ZNF92: variants seen among roughly 807,000 people sequenced by gnomAD.
The protein encoded by ZNF92 is zinc finger protein 92.
In ZNF92, 11 loss-of-function variants were observed where a neutral mutation model predicts 12.4. The ratio of observed to expected loss-of-function variants is 0.89; its 90% CI spans 0.56 to 1.47. The LOEUF is 1.47. Ranked by LOEUF, ZNF92 falls within the 40% of genes most tolerant of loss-of-function variation. ZNF92 has a pLI of 0.00. For missense variants in ZNF92, 622 were observed against 681.0 expected (o/e 0.91, Z 0.96); for synonymous variants, 206 against 228.6 (o/e 0.90, Z 0.89).
chr7:65,379,426 C>G (rs1286020689), intron 1 of ZNF92, among the ~76,000 whole-genome samples: 2 of 152,106 alleles, frequency 1.3e-5, no homozygotes, highest in Admixed American at 1.3e-4. Flanking sequence ...GGCTGTCACA[C>G]TGCCCGTTGT....
At chr7:65,384,699 C>T (rs1793515406) in intron 1 of ZNF92, among the ~76,000 whole-genome samples, 1 of 148,106 alleles carries the variant, frequency 6.8e-6, no homozygotes, top group Admixed American at 6.8e-5. Context: ...TTCTTTATTC[C>T]TCTCATCTGT....
At chr7:65,393,756 TTGTC>T (rs1317188166) in intron 3 of ZNF92, among the ~76,000 whole-genome samples, 4 of 152,238 alleles carry the variant, frequency 2.6e-5, no homozygotes, top group African/African-American at 7.2e-5. Flanking sequence ...GTTAGTAATT[TTGTC>T]TGTCCTTTCA....
intron 1 of ZNF92, among the ~76,000 whole-genome samples, chr7:65,377,571 T>G (rs537341783): frequency 6.6e-6 from 1 of 151,930 alleles, no homozygotes; most frequent in Non-Finnish European, 1.5e-5. Context: ...TGAGATGGAG[T>G]CTTGCTTTGT....
chr7:65,376,954 A>G (rs1191266555), intron 1 of ZNF92, among the ~76,000 whole-genome samples: 2 of 152,140 alleles, frequency 1.3e-5, no homozygotes, highest in Non-Finnish European at 2.9e-5. Context: ...TGTCTGTTCT[A>G]TACCATGTTA....
intron 1 of ZNF92, among the ~76,000 whole-genome samples, chr7:65,386,939 C>CTTT (rs34718120): frequency 2.3e-5 from 3 of 129,700 alleles, no homozygotes; most frequent in East Asian, 2.3e-4. Flanking sequence ...TTTCTTTCTT[C>CTTT]TTTTTTTTTT....
At chr7:65,386,909 C>T (rs1489482902) in intron 1 of ZNF92, among the ~76,000 whole-genome samples, 8 of 149,690 alleles carry the variant, frequency 5.3e-5, no homozygotes, top group African/African-American at 2.0e-4. Flanking sequence ...TAATTTTTCT[C>T]TCGATTATTA....
intron 1 of ZNF92, among the ~76,000 whole-genome samples, chr7:65,385,134 G>C (rs1793528067): frequency 6.6e-6 from 1 of 151,304 alleles, no homozygotes; most frequent in African/African-American, 2.4e-5. Context: ...ATGAGCGCAG[G>C]GGGAGCAACA....
chr7:65,399,855 A>G lies in ZNF92; in HGVS notation c.1741A>G (p.Lys581Glu), dbSNP rs145183979. ...RAFNKSSNYT[K>E]EKLQT ...CTTTAACAAATCCTCAAATTATACT[A>G]AAGAGAAACTACAAACCTGAAAGAT... The change falls in exon 4 of 4, where the codon AAA (lysine) becomes GAA (glutamate). Residue 581 changes from lysine (K) to glutamate (E), a missense_variant. By Grantham distance (56) the Lys-to-Glu change is moderately conservative. Transcript: ENST00000328747. 1.3e-4 allele frequency: 208 copies of G among 1,580,294 alleles called. 2 individuals carry two copies. In the Middle Eastern group the frequency reaches 9.2e-3, roughly 70 times the overall value.
chr7:65,398,569 A>T lies in ZNF92; in HGVS notation c.455A>T (p.Lys152Ile). 2 of 1,608,742 alleles carry T rather than the reference A, an allele frequency of 1.2e-6. No homozygotes were observed. Among genetic ancestry groups the T allele is most frequent in the Non-Finnish European group, 1.7e-6 (2 of 1,178,412 alleles). ...ATATTTCAGTGTGATAAATATGTGA[A>T]AGTCTTTCATAAATTTCCAAATGTA... ...SKIFQCDKYVKVFHKFPNVNR... is the reference protein window; with the variant it reads ...SKIFQCDKYVIVFHKFPNVNR... The change falls in exon 4 of 4, where the codon AAA (lysine) becomes ATA (isoleucine). Residue 152 changes from lysine to isoleucine, a missense_variant. Transcript: ENST00000328747.
At chr7:65,395,069 C>A (rs1027383206) in intron 3 of ZNF92, among the ~76,000 whole-genome samples, 3 of 151,986 alleles carry the variant, frequency 2.0e-5, no homozygotes, top group Non-Finnish European at 4.4e-5. Flanking sequence ...TTATTTTGGT[C>A]TTAAGTTTAT....
chr7:65,384,144 G>C (rs1441764778), intron 1 of ZNF92, among the ~76,000 whole-genome samples: 1 of 151,818 alleles, frequency 6.6e-6, no homozygotes, highest in East Asian at 1.9e-4. Flanking sequence ...AATTATGCTA[G>C]AAAGCCCTAA....
At chr7:65,378,989 C>CT (rs1199706309) in intron 1 of ZNF92, among the ~76,000 whole-genome samples, 3 of 151,774 alleles carry the variant, frequency 2.0e-5, no homozygotes, top group Non-Finnish European at 2.9e-5. Flanking sequence ...TTCCCTGCTT[C>CT]TTTTTTTTGT....
intron 3 of ZNF92, among the ~76,000 whole-genome samples, chr7:65,395,021 T>G (rs1402815686): frequency 6.6e-6 from 1 of 152,170 alleles, no homozygotes; most frequent in East Asian, 1.9e-4. Flanking sequence ...TTTTAATTCC[T>G]AGTTTCTTTC....
chr7:65,400,779 CTATTA>C lies in ZNF92; in HGVS notation c.*909_*913del, dbSNP rs1443859206. The C allele has an allele frequency of 2.0e-5, 3 of 151,644 alleles. No individual in the cohort carries two copies. The highest frequency in any genetic ancestry group is 6.6e-5 in the Admixed American group (1 of 15,228). 9.4% of individuals were successfully genotyped at this position (151,644 alleles called of 1,614,324 possible). A position where few individuals can be genotyped will look rare whatever the true frequency, so the allele number is the denominator to read the frequency against. ...CTCAAATTCATGTTTTTCTTCATTCCTATTATATTCACATGTGAAAGCAAGTGATC... is the reference window on the plus strand; with the variant it reads ...CTCAAATTCATGTTTTTCTTCATTCCTATTCACATGTGAAAGCAAGTGATC... On this transcript the variant is annotated 3_prime_UTR_variant, in exon 4 of 4. Coordinates refer to ENST00000328747, the MANE Select transcript of ZNF92 (RefSeq NM_152626.4).
At chr7:65,375,596 G>GA (rs563978435) in intron 1 of ZNF92, among the ~76,000 whole-genome samples, 14 of 145,278 alleles carry the variant, frequency 9.6e-5, no homozygotes, top group Non-Finnish European at 1.2e-4. Context: ...AAGATTTGTG[G>GA]AAAAAAAAAA....
chr7:65,377,818 G>T (rs1023363648), intron 1 of ZNF92, among the ~76,000 whole-genome samples: 2 of 152,082 alleles, frequency 1.3e-5, no homozygotes, highest in African/African-American at 2.4e-5. Flanking sequence ...ACCCACCTCG[G>T]CCTCCCAAAG....
chr7:65,392,724 CAG>C (rs2116388738), intron 3 of ZNF92, among the ~76,000 whole-genome samples: 1 of 151,940 alleles, frequency 6.6e-6, no homozygotes, highest in Admixed American at 6.6e-5. Flanking sequence ...TTAGTAGAGA[CAG>C]GGTTTCTCCA....
intron 1 of ZNF92, among the ~76,000 whole-genome samples, chr7:65,383,136 T>C (rs1243893178): frequency 1.3e-5 from 2 of 152,114 alleles, no homozygotes; most frequent in African/African-American, 4.8e-5. Context: ...AAAATCCACT[T>C]GTAACTGCTG....
rs185013186 is a variant in ZNF92 at position 65,375,745 on chromosome 7, G to C, written c.3+1745G>C. ...TGCCTGTAATCCCAGCTACTCGGGA[G>C]GCTGAGGCAGGGGAATCGCTTGAAC... On this transcript the variant is annotated intron_variant, in intron 1 of 3. Transcript: ENST00000328747. Among the ~76,000 whole-genome samples, 132 of 151,952 alleles carry C rather than the reference G, an allele frequency of 8.7e-4. 1 individual carries two copies. Among genetic ancestry groups the C allele is most frequent in the African/African-American group, 3.0e-3 (124 of 41,488 alleles).
Sources: gnomAD v4.1 joint callset for allele counts (sites outside exome capture counted in the v4.1 genomes callset) on GRCh38, gnomAD v4.1.1 for gene constraint, MANE v1.5 for transcripts, NCBI Gene and HGNC (gene_info 2026-07-23, HGNC 2026-07-21) for gene names.